ANK1: variants seen among roughly 807,000 people sequenced by gnomAD.
ANK1 encodes ankyrin 1.
Under a neutral mutation model 210.4 loss-of-function variants are expected in ANK1, and 51 were observed. That is an observed-to-expected ratio of 0.24 (90% CI 0.19 to 0.31). The LOEUF is 0.31. Among genes scored for constraint, ANK1 ranks in the 10% least tolerant of loss-of-function variants. ANK1 has a pLI of 1.00. For synonymous variants in ANK1, 967 were observed against 1,025.9 expected (o/e 0.94, Z 1.10); for missense variants, 2,051 against 2,504.4 (o/e 0.82, Z 3.86).
At chr8:41,665,045 G>C in intron 39 of ANK1, 1 of 1,611,248 alleles carries the variant, frequency 6.2e-7, no homozygotes, top group Non-Finnish European at 8.5e-7. Context: ...CACCAGCCCG[G>C]TCCTCTGGCA....
chr8:41,806,954 TCTTATC>T (rs1260865650), intron 1 of ANK1, among the ~76,000 whole-genome samples: 1 of 152,234 alleles, frequency 6.6e-6, no homozygotes, highest in Non-Finnish European at 1.5e-5. Context: ...AAATTATACT[TCTTATC>T]CTTATAAGAG....
chr8:41,703,899 C>G, intron 20 of ANK1, 142 bp downstream of exon 20: 2 of 746,228 alleles, frequency 2.7e-6, no homozygotes, highest in Non-Finnish European at 4.7e-6. Flanking sequence ...CCCCAGGGTA[C>G]CCAAGGTAGC....
chr8:41,717,815 C>A, intron 11 of ANK1, 113 bp from the exon 12 acceptor site: 3 of 1,087,918 alleles, frequency 2.8e-6, no homozygotes, highest in Non-Finnish European at 4.1e-6. Context: ...GAAAAGGGAG[C>A]TATATGAGGT....
At chr8:41,829,110 C>T (rs542450009) in intron 1 of ANK1, 1 of 152,452 alleles carries the variant, frequency 6.6e-6, no homozygotes, top group South Asian at 2.1e-4. Flanking sequence ...CTGTCCCATT[C>T]TGGCCTCCCT....
At chr8:41,773,381 T>C (rs1843346987) in intron 1 of ANK1, among the ~76,000 whole-genome samples, 1 of 152,070 alleles carries the variant, frequency 6.6e-6, no homozygotes, top group South Asian at 2.1e-4. Context: ...AGGGCCAACA[T>C]TAAACCCGAG....
intron 7 of ANK1, 98 bp downstream of exon 7, chr8:41,724,358 G>A: frequency 9.4e-7 from 1 of 1,063,066 alleles, no homozygotes; most frequent in Non-Finnish European, 1.4e-6. Context: ...TAACCCACAG[G>A]CACTTCTGCC....
chr8:41,735,869 CA>C (rs1833288684), intron 2 of ANK1, among the ~76,000 whole-genome samples: 2 of 152,160 alleles, frequency 1.3e-5, no homozygotes, highest in African/African-American at 4.8e-5. Context: ...AGGGGGGCTG[CA>C]AAGGGAACAT....
intron 1 of ANK1, among the ~76,000 whole-genome samples, chr8:41,872,158 C>T (rs552385599): frequency 6.6e-6 from 1 of 152,344 alleles, no homozygotes; most frequent in Non-Finnish European, 1.5e-5. Flanking sequence ...CAAAAGGGTG[C>T]TGCAAGATGA....
intron 2 of ANK1, among the ~76,000 whole-genome samples, chr8:41,736,985 GTTT>G (rs1300839492): frequency 1.3e-5 from 2 of 152,158 alleles, no homozygotes; most frequent in African/African-American, 4.8e-5. Flanking sequence ...AGGAGGTTTG[GTTT>G]TCTCCCCGCT....
chr8:41,752,630 C>A (rs954978259), intron 2 of ANK1, among the ~76,000 whole-genome samples: 1 of 152,280 alleles, frequency 6.6e-6, no homozygotes, highest in South Asian at 2.1e-4. Context: ...GGTGCCACCA[C>A]CCACCTGCCG....
At chr8:41,811,791 G>A (rs1802537172) in intron 1 of ANK1, among the ~76,000 whole-genome samples, 1 of 152,238 alleles carries the variant, frequency 6.6e-6, no homozygotes, top group Non-Finnish European at 1.5e-5. Flanking sequence ...CACGTGGTAT[G>A]TGCTCAGTAC....
At chr8:41,773,570 C>T (rs528741241) in intron 1 of ANK1, among the ~76,000 whole-genome samples, 6 of 152,224 alleles carry the variant, frequency 3.9e-5, no homozygotes, top group South Asian at 4.2e-4. Context: ...CTAACGAGCT[C>T]GTGAGTTGGA....
At chr8:41,855,210 T>C (rs1269805980) in intron 1 of ANK1, among the ~76,000 whole-genome samples, 2 of 152,132 alleles carry the variant, frequency 1.3e-5, no homozygotes, top group Non-Finnish European at 2.9e-5. Context: ...CAGGAACAAT[T>C]GAATAAATAA....
At chr8:41,862,603 A>G (rs1813486906) in intron 1 of ANK1, among the ~76,000 whole-genome samples, 2 of 151,988 alleles carry the variant, frequency 1.3e-5, no homozygotes, top group Admixed American at 6.6e-5. Context: ...TTTCAAGTGA[A>G]AATTCCTTAA....
At chr8:41,673,239 C>T (rs1054155949) in intron 37 of ANK1, among the ~76,000 whole-genome samples, 1 of 152,170 alleles carries the variant, frequency 6.6e-6, no homozygotes, top group Non-Finnish European at 1.5e-5. Flanking sequence ...ATAAAGAAGC[C>T]TTTATCCAAA....
At chr8:41,737,053 A>C (rs1254106763) in intron 2 of ANK1, among the ~76,000 whole-genome samples, 1 of 152,222 alleles carries the variant, frequency 6.6e-6, no homozygotes, top group East Asian at 1.9e-4. Context: ...TAATCCCAGC[A>C]CTTTGGGAAC....
chr8:41,796,914 T>G (rs774881052), intron 1 of ANK1, among the ~76,000 whole-genome samples: 1 of 152,016 alleles, frequency 6.6e-6, no homozygotes, highest in Non-Finnish European at 1.5e-5. Context: ...AAAATATCCA[T>G]GAGAGCCTAT....
At chr8:41,660,293 G>T in intron 42 of ANK1, 1 of 405,024 alleles carries the variant, frequency 2.5e-6, no homozygotes. Flanking sequence ...GGAGGCAGCG[G>T]GCCCTGATTT....
intron 1 of ANK1, among the ~76,000 whole-genome samples, chr8:41,772,097 G>A (rs550531460): frequency 1.3e-5 from 2 of 152,304 alleles, no homozygotes; most frequent in Non-Finnish European, 1.5e-5. Flanking sequence ...CCCAGGATTC[G>A]AGAGAAGGGC....
Sources: gnomAD v4.1 joint callset for allele counts (sites outside exome capture counted in the v4.1 genomes callset) on GRCh38, gnomAD v4.1.1 for gene constraint, MANE v1.5 for transcripts, NCBI Gene and HGNC (gene_info 2026-07-23, HGNC 2026-07-21) for gene names.